The following GRM8 variants were observed in gnomAD, a reference collection of about 807,000 sequenced individuals.
GRM8 encodes the protein glutamate metabotropic receptor 8, also known as metabotropic glutamate receptor 8.
In GRM8, 47 loss-of-function variants were observed where a neutral mutation model predicts 87.2. The ratio of observed to expected loss-of-function variants is 0.54; its 90% CI spans 0.43 to 0.69. The LOEUF is 0.69. Ranked by LOEUF, GRM8 falls within the 30% of genes least tolerant of loss-of-function variation. GRM8 has a pLI of 0.00. For missense variants in GRM8, 1,019 were observed against 1,139.2 expected (o/e 0.89, Z 1.52); for synonymous variants, 396 against 404.5 (o/e 0.98, Z 0.25).
chr7:126,825,639 C>G (rs1047864041), intron 6 of GRM8, among the ~76,000 whole-genome samples: 1 of 151,656 alleles, frequency 6.6e-6, no homozygotes, highest in Admixed American at 6.6e-5. Context: ...GATAACCTAC[C>G]AAGAAAAAAA....
At chr7:126,481,185 G>T (rs542543433) in intron 9 of GRM8, among the ~76,000 whole-genome samples, 2 of 151,982 alleles carry the variant, frequency 1.3e-5, no homozygotes, top group Non-Finnish European at 2.9e-5. Context: ...TTCCCTTAAA[G>T]GATAATTCCA....
chr7:126,721,981 A>C (rs1193502563), intron 7 of GRM8, among the ~76,000 whole-genome samples: 1 of 152,078 alleles, frequency 6.6e-6, no homozygotes, highest in Non-Finnish European at 1.5e-5. Flanking sequence ...ACCAATGAAC[A>C]CTTAAGCAGA....
intron 3 of GRM8, among the ~76,000 whole-genome samples, chr7:126,929,002 G>A (rs1031419719): frequency 6.6e-6 from 1 of 152,130 alleles, no homozygotes; most frequent in African/African-American, 2.4e-5. Context: ...CACAGGCAAA[G>A]GTGTTGATGC....
intron 7 of GRM8, among the ~76,000 whole-genome samples, chr7:126,730,196 T>C (rs1813437622): frequency 6.6e-6 from 1 of 152,150 alleles, no homozygotes; most frequent in Non-Finnish European, 1.5e-5. Context: ...ACATAAACCA[T>C]AAATTGTGTC....
chr7:126,543,696 A>C (rs187893498), intron 8 of GRM8, among the ~76,000 whole-genome samples: 1 of 152,318 alleles, frequency 6.6e-6, no homozygotes, highest in Admixed American at 6.5e-5. Flanking sequence ...AGGTATATGC[A>C]AGGCAATTGA....
In GRM8 at chr7:126,556,485, A is replaced by G. The variant is rs532770040; in HGVS notation, c.1495-22598T>C. ...AACATGGTGAAACCCCGTCTCTACT[A>G]AAAATACAAAAATTAGCCAGGTGTG... is the stretch of plus-strand genomic sequence containing the variant. On this transcript the variant is annotated intron_variant, in intron 8 of 10. Coordinates refer to ENST00000339582, the MANE Select transcript of GRM8 (RefSeq NM_000845.3). Among the ~76,000 whole-genome samples the G allele has an allele frequency of 3.3e-5, 5 of 152,118 alleles. No homozygotes were observed. The East Asian group carries it at 9.7e-4, about 29-fold the overall frequency.
chr7:127,174,467 T>G (rs1449708011), intron 2 of GRM8, among the ~76,000 whole-genome samples: 6 of 152,220 alleles, frequency 3.9e-5, no homozygotes, highest in Non-Finnish European at 8.8e-5. Context: ...AAAGGATGTC[T>G]CCTGGTAGCC....
chr7:126,743,876 T>C (rs1023049426), intron 7 of GRM8, among the ~76,000 whole-genome samples: 2 of 150,974 alleles, frequency 1.3e-5, no homozygotes, highest in African/African-American at 2.4e-5. Context: ...GCCTCTTCCA[T>C]TGTGTTGACA....
At chr7:126,995,589 C>T (rs1386717960) in intron 3 of GRM8, among the ~76,000 whole-genome samples, 1 of 152,144 alleles carries the variant, frequency 6.6e-6, no homozygotes, top group East Asian at 1.9e-4. Flanking sequence ...CTTAGAGTCT[C>T]TTAATAACAT....
chr7:126,486,101 G>A (rs1000283587), intron 9 of GRM8, among the ~76,000 whole-genome samples: 3 of 151,786 alleles, frequency 2.0e-5, no homozygotes, highest in African/African-American at 7.3e-5. Flanking sequence ...ATCAGACACT[G>A]ACCAGTTGAA....
intron 7 of GRM8, among the ~76,000 whole-genome samples, chr7:126,627,719 T>C (rs2151162502): frequency 6.6e-6 from 1 of 152,322 alleles, no homozygotes; most frequent in East Asian, 1.9e-4. Context: ...AAGTCCCTCA[T>C]ATTCTAAATG....
intron 3 of GRM8, among the ~76,000 whole-genome samples, chr7:127,074,046 A>G (rs915534575): frequency 6.6e-6 from 1 of 152,204 alleles, no homozygotes; most frequent in Non-Finnish European, 1.5e-5. Flanking sequence ...TTTCACATAC[A>G]AATTGCTGTA....
chr7:126,822,192 C>T (rs1053981259), intron 6 of GRM8, among the ~76,000 whole-genome samples: 1 of 152,122 alleles, frequency 6.6e-6, no homozygotes, highest in Non-Finnish European at 1.5e-5. Context: ...TCTTGCTTCT[C>T]AATCTACTGT....
chr7:127,026,982 T>A (rs1816849049), intron 3 of GRM8, among the ~76,000 whole-genome samples: 1 of 152,212 alleles, frequency 6.6e-6, no homozygotes, highest in Admixed American at 6.5e-5. Flanking sequence ...TACATTTAAG[T>A]CTTTAATCCA....
intron 6 of GRM8, among the ~76,000 whole-genome samples, chr7:126,858,591 T>C (rs905163646): frequency 6.6e-6 from 1 of 152,130 alleles, no homozygotes; most frequent in African/African-American, 2.4e-5. Context: ...ACAACCAATT[T>C]CCCAAACAGG....
At chr7:126,805,775 A>C (rs1416259850) in intron 6 of GRM8, among the ~76,000 whole-genome samples, 2 of 151,982 alleles carry the variant, frequency 1.3e-5, no homozygotes, top group African/African-American at 4.8e-5. Context: ...GCTTTATTTC[A>C]TTCTTCTGTG....
At chr7:126,666,729 T>G (rs1805816628) in intron 7 of GRM8, among the ~76,000 whole-genome samples, 1 of 152,126 alleles carries the variant, frequency 6.6e-6, no homozygotes, top group Non-Finnish European at 1.5e-5. Flanking sequence ...CAACACAGAT[T>G]TGCAATCCCT....
intron 6 of GRM8, among the ~76,000 whole-genome samples, chr7:126,800,004 ATAGT>A (rs1201920019): frequency 6.6e-6 from 1 of 152,278 alleles, no homozygotes; most frequent in African/African-American, 2.4e-5. Context: ...TTTTCAGAAG[ATAGT>A]TAGAATAGGA....
At chr7:126,559,058 T>C (rs1391002487) in intron 8 of GRM8, among the ~76,000 whole-genome samples, 2 of 151,910 alleles carry the variant, frequency 1.3e-5, no homozygotes, top group Admixed American at 1.3e-4. Flanking sequence ...GTGTGAGTAA[T>C]GTGCATAGGG....
Sources: allele counts gnomAD v4.1 joint callset (sites outside exome capture counted in the v4.1 genomes callset), GRCh38; gene constraint gnomAD v4.1.1; transcripts MANE v1.5; gene names NCBI Gene and HGNC (gene_info 2026-07-23, HGNC 2026-07-21).